SFMBT2: variants seen among roughly 807,000 people sequenced by gnomAD.
SFMBT2 encodes the protein Scm like with four mbt domains 2.
A neutral mutation model predicts 110.1 loss-of-function variants in SFMBT2; 38 were observed. The ratio of observed to expected loss-of-function variants is 0.35; its 90% CI spans 0.27 to 0.45. The LOEUF (loss-of-function observed/expected upper bound fraction) is 0.45, where lower values mean the gene tolerates loss of function less well. Among genes scored for constraint, SFMBT2 ranks in the 20% least tolerant of loss-of-function variants. The pLI is 1.00. For missense variants in SFMBT2, 1,011 were observed against 1,094.9 expected (o/e 0.92, Z 1.08); for synonymous variants, 425 against 425.4 (o/e 1.00, Z 0.01).
At chr10:7,357,917 C>T (rs1844572154) in intron 4 of SFMBT2, among the ~76,000 whole-genome samples, 1 of 152,246 alleles carries the variant, frequency 6.6e-6, no homozygotes, top group Non-Finnish European at 1.5e-5. Flanking sequence ...TGGAGTGAAA[C>T]CCAATGGAAC....
chr10:7,218,127 A>T (rs542151619), intron 11 of SFMBT2, among the ~76,000 whole-genome samples: 32 of 152,336 alleles, frequency 2.1e-4, no homozygotes, highest in Non-Finnish European at 4.4e-4. Flanking sequence ...ATAACTAATA[A>T]AATTGTTACA....
At chr10:7,388,672 C>T (rs1845687449) in intron 1 of SFMBT2, among the ~76,000 whole-genome samples, 2 of 151,708 alleles carry the variant, frequency 1.3e-5, no homozygotes, top group Middle Eastern at 6.8e-3. Context: ...CACCACACCC[C>T]ACCAGAAGGA....
chr10:7,199,035 G>T (rs150183358), intron 14 of SFMBT2, among the ~76,000 whole-genome samples: 3 of 152,300 alleles, frequency 2.0e-5, no homozygotes, highest in African/African-American at 7.2e-5. Flanking sequence ...CTGGAATGCA[G>T]TGGTGCAATC....
chr10:7,203,118 C>A (rs1839012434), intron 12 of SFMBT2: 1 of 984,672 alleles, frequency 1.0e-6, no homozygotes, highest in Non-Finnish European at 1.2e-6. Context: ...AAGCTTTTGG[C>A]ATCTACTAAC....
chr10:7,245,697 G>A (rs966931393), intron 8 of SFMBT2, among the ~76,000 whole-genome samples: 4 of 152,120 alleles, frequency 2.6e-5, no homozygotes, highest in Non-Finnish European at 4.4e-5. Context: ...AACACACTTC[G>A]CTTACAAAGA....
rs780440731 is a variant in SFMBT2 at position 7,172,575 on chromosome 10, G to C, written c.2071C>G (p.Arg691Gly). ...AAAATGGATTTCCGTCGCTTCCTCC[G>C]CCTGGCGGGTTTGGGGTGTCCGCTG... Reference protein sequence around the residue: ...PDSGHPKPARRRKRRKSIFVQ... With the variant: ...PDSGHPKPARGRKRRKSIFVQ... The change falls in exon 18 of 21, where the codon CGG becomes GGG. Residue 691 changes from arginine to glycine, a missense_variant. Coordinates refer to ENST00000397167, the MANE Select transcript of SFMBT2 (RefSeq NM_001387889.1). The surrounding 1 kb of genome is among the most constrained non-coding windows in gnomAD (Gnocchi z 4.6). 1.9e-6 allele frequency: 3 copies of C among 1,614,220 alleles called. No homozygotes were observed. In the South Asian group the frequency reaches 3.3e-5, roughly 18 times the overall value.
chr10:7,203,599 C>T (rs1839028257), intron 12 of SFMBT2: 1 of 721,682 alleles, frequency 1.4e-6, no homozygotes, highest in African/African-American at 1.9e-5. Context: ...ATCTAGGACA[C>T]CAGGTTCTGT....
chr10:7,358,703 G>GCC (rs879557579), intron 4 of SFMBT2, among the ~76,000 whole-genome samples: 30,581 of 150,882 alleles, frequency 0.2, 3,704 homozygotes, highest in African/African-American at 0.32. Context: ...AGGCATGGTG[G>GCC]CTCTGGAATG....
chr10:7,240,008 T>C (rs993037124), intron 9 of SFMBT2, among the ~76,000 whole-genome samples: 6 of 152,124 alleles, frequency 3.9e-5, no homozygotes, highest in African/African-American at 1.4e-4. Flanking sequence ...ATCTTTAGGA[T>C]CCCTTTCAGT....
intron 2 of SFMBT2, among the ~76,000 whole-genome samples, chr10:7,370,577 G>T (rs553062379): frequency 1.3e-5 from 2 of 152,152 alleles, no homozygotes; most frequent in Admixed American, 1.3e-4. Flanking sequence ...GGGACATTCC[G>T]CTTTGACTGC....
intron 9 of SFMBT2, among the ~76,000 whole-genome samples, chr10:7,229,359 T>G (rs999077395): frequency 1.2e-4 from 19 of 152,026 alleles, no homozygotes; most frequent in African/African-American, 4.1e-4. Flanking sequence ...GGCGGGTGGA[T>G]CACAAGATCA....
intron 20 of SFMBT2, among the ~76,000 whole-genome samples, chr10:7,169,749 T>G (rs767731141): frequency 7.9e-5 from 12 of 152,150 alleles, no homozygotes; most frequent in Admixed American, 4.6e-4. Context: ...GTGTGCAGAG[T>G]GGCAACTTGT....
intron 1 of SFMBT2, among the ~76,000 whole-genome samples, chr10:7,394,258 CAG>C (rs1845859573): frequency 6.6e-6 from 1 of 152,106 alleles, no homozygotes; most frequent in African/African-American, 2.4e-5. Flanking sequence ...TTTTTTATAT[CAG>C]AGTTACATCT....
intron 4 of SFMBT2, among the ~76,000 whole-genome samples, chr10:7,354,429 A>C (rs549777085): frequency 1.4e-4 from 21 of 152,338 alleles, no homozygotes; most frequent in African/African-American, 4.6e-4. Context: ...TGGGCATGAG[A>C]TCTCGATACC....
chr10:7,299,143 A>C (rs1279943322), intron 4 of SFMBT2, among the ~76,000 whole-genome samples: 1 of 152,180 alleles, frequency 6.6e-6, no homozygotes, highest in African/African-American at 2.4e-5. Context: ...CCGGAAGAAA[A>C]CCTAGGCAAT....
chr10:7,245,578 T>C (rs2692819), intron 8 of SFMBT2, among the ~76,000 whole-genome samples: 135,414 of 152,294 alleles, frequency 0.89, 60,315 homozygotes, highest in East Asian at 0.92. Flanking sequence ...TCAGAACTAA[T>C]GCCCAGAGCA....
At chr10:7,362,263 G>A (rs77096095) in intron 4 of SFMBT2, among the ~76,000 whole-genome samples, 1,602 of 152,244 alleles carry the variant, frequency 0.011, 37 homozygotes, top group African/African-American at 0.036. Flanking sequence ...CTCTAAATGC[G>A]TCTTTATTAA....
chr10:7,277,789 C>A (rs1841830792), intron 6 of SFMBT2, among the ~76,000 whole-genome samples: 1 of 152,206 alleles, frequency 6.6e-6, no homozygotes, highest in Non-Finnish European at 1.5e-5. Flanking sequence ...TTCAATATAT[C>A]AACCCAGGCT....
intron 7 of SFMBT2, among the ~76,000 whole-genome samples, chr10:7,254,431 AT>A (rs1464103644): frequency 1.3e-5 from 2 of 152,202 alleles, no homozygotes; most frequent in African/African-American, 2.4e-5. Flanking sequence ...TACTTCTAGC[AT>A]ATAAAAACCA....
Sources: allele counts gnomAD v4.1 joint callset (sites outside exome capture counted in the v4.1 genomes callset), GRCh38; gene constraint gnomAD v4.1.1; non-coding constraint Gnocchi (gnomAD v3.1); transcripts MANE v1.5; gene names NCBI Gene and HGNC (gene_info 2026-07-23, HGNC 2026-07-21).